The following MUC5AC variants were observed in gnomAD, a reference collection of about 807,000 sequenced individuals.
MUC5AC encodes the protein mucin 5AC, oligomeric mucus/gel-forming, also known as mucin-5AC.
A neutral mutation model predicts 169.7 loss-of-function variants in MUC5AC; 158 were observed. The observed-to-expected ratio is 0.93, with a 90% CI of 0.82 to 1.06. MUC5AC has a LOEUF of 1.06. Ranked by LOEUF, MUC5AC falls within the 50% of genes least tolerant of loss-of-function variation. MUC5AC has a pLI of 0.00. For synonymous variants in MUC5AC, 1,975 were observed against 1,237.0 expected (o/e 1.60, Z -12.52); for missense variants, 4,359 against 3,089.9 (o/e 1.41, Z -9.74).
Position 1,179,726 on chromosome 11 carries a change from C to T in MUC5AC, c.3485-296C>T, listed in dbSNP as rs976168381. 4.9e-3 allele frequency among the ~76,000 whole-genome samples: 741 copies of T among 151,764 alleles called. 13 individuals are homozygous for T. Among genetic ancestry groups the T allele is most frequent in the African/African-American group, 0.017 (699 of 41,202 alleles). ...GAGGGCGTGGCTGACGGGTCGCTGG[C>T]GTGGTAGAACGTTCTGGGCAGTGGG... is the stretch of plus-strand genomic sequence containing the variant. On this transcript the variant is annotated intron_variant, in intron 26 of 48. Transcript: ENST00000621226.
chr11:1,173,440 C>T (rs1860599931), intron 16 of MUC5AC, among the ~76,000 whole-genome samples: 1 of 151,726 alleles, frequency 6.6e-6, no homozygotes, highest in East Asian at 1.9e-4. Flanking sequence ...CATTCATCCA[C>T]TCATCCACTC....
intron 40 of MUC5AC, 22 bp downstream of exon 40, chr11:1,196,930 A>C (rs1318715154): frequency 1.3e-6 from 1 of 760,078 alleles, no homozygotes; most frequent in South Asian, 1.4e-5. Context: ...GCATGGCCCA[A>C]GAGGGCACTG....
At chr11:1,160,499 C>T in intron 1 of MUC5AC, 113 bp from the exon 2 acceptor site, 1 of 847,176 alleles carries the variant, frequency 1.2e-6, no homozygotes, top group Non-Finnish European at 1.9e-6. Flanking sequence ...CACGGGCCAC[C>T]CCCACGCACT....
Position 1,185,627 on chromosome 11 carries a change from T to G in MUC5AC, c.7482T>G (p.Pro2494=). The G allele has an allele frequency of 1.4e-6, 1 of 735,460 alleles. No homozygotes were observed. Among genetic ancestry groups the G allele is most frequent in the Non-Finnish European group, 2.5e-6 (1 of 402,916 alleles). 45.6% of individuals were successfully genotyped at this position (735,460 alleles called of 1,614,324 possible). A position where few individuals can be genotyped will look rare whatever the true frequency, so the allele number is the denominator to read the frequency against. The change falls in exon 31 of 49, where the codon CCT becomes CCG. Residue 2494 remains proline, a synonymous_variant. Coordinates refer to ENST00000621226, the MANE Select transcript of MUC5AC (RefSeq NM_001304359.2). The stretch of plus-strand genomic sequence containing the variant: ...CTGGTCCTGAAACTACTCCTAGACC[T>G]GTTCCTACCACCAGCACAACCTCTT... ...TTSGPETTPR[P]VPTTSTTSSP... is the part of the protein sequence containing the mutation.
Position 1,192,434 on chromosome 11 carries a change from C to G in MUC5AC, c.14289C>G (p.Thr4763=). Residue 4763 remains threonine (T), a synonymous_variant, in exon 31 of 49, where the codon ACC becomes ACG. Coordinates refer to ENST00000621226, the MANE Select transcript of MUC5AC (RefSeq NM_001304359.2). Reference sequence around the variant, plus strand: ...TGGTATCCGCCTCCGTGGCATCCACCTCTGTGGCATCCAGCTCTGTGGCAT... The same window carrying G: ...TGGTATCCGCCTCCGTGGCATCCACGTCTGTGGCATCCAGCTCTGTGGCAT... ...TSMVSASVAS[T]SVASSSVASS... is the part of the protein sequence containing the mutation. The G allele has an allele frequency of 1.3e-6, 1 of 764,822 alleles. No individual in the cohort carries two copies. The allele number at this position is 764,822 out of a possible 1,614,324, so 47.4% of individuals were successfully genotyped here. A position where few individuals can be genotyped will look rare whatever the true frequency, so the allele number is the denominator to read the frequency against.
chr11:1,160,214 C>G lies in MUC5AC; in HGVS notation c.74-398C>G, dbSNP rs1030406159. 2.6e-5 allele frequency among the ~76,000 whole-genome samples: 4 copies of G among 152,234 alleles called. No homozygotes were observed. The South Asian group carries it at 6.2e-4, about 24-fold the overall frequency. ...CTCCAGGTGGTCTTGGGGCCGACCC[C>G]TCCCATGCCTTTGACTGCTCCAGCC... On this transcript the variant is annotated intron_variant, in intron 1 of 48. Transcript: ENST00000621226.
intron 26 of MUC5AC, 144 bp from the exon 27 acceptor site, chr11:1,179,878 C>A: frequency 2.5e-6 from 1 of 397,006 alleles, no homozygotes. Context: ...TGGGGGGTCC[C>A]GATCTGGCCC....
rs1392444037 is a variant in MUC5AC, at chr11:1,185,446, C to A, written c.7301C>A (p.Thr2434Asn). The A allele has an allele frequency of 2.5e-5, 18 of 729,876 alleles. 1 individual carries two copies. The highest frequency in any genetic ancestry group is 2.0e-4 in the South Asian group (14 of 70,172). The allele number at this position is 729,876 out of a possible 1,614,324, so 45.2% of individuals were successfully genotyped here. The change falls in exon 31 of 49, where the codon ACC becomes AAC. Residue 2434 changes from threonine (T) to asparagine (N), a missense_variant. Physicochemically the swap from Thr to Asn is moderately conservative, Grantham distance 65. Coordinates refer to ENST00000621226, the MANE Select transcript of MUC5AC (RefSeq NM_001304359.2). Reference protein sequence around the residue: ...PTSSTTSSPQTSTTSAPTTST... With the variant: ...PTSSTTSSPQNSTTSAPTTST... ...AGCAGCACAACCTCCAGTCCACAGACCAGCACAACCTCGGCTCCTACAACC... is the reference window on the plus strand; with the variant it reads ...AGCAGCACAACCTCCAGTCCACAGAACAGCACAACCTCGGCTCCTACAACC...
At chr11:1,194,716 G>A (rs749205263) in intron 35 of MUC5AC, 46 bp downstream of exon 35, 20 of 709,622 alleles carry the variant, frequency 2.8e-5, no homozygotes, top group Middle Eastern at 2.4e-4. Flanking sequence ...TCGCGGGGGC[G>A]GGGGTGCCGG....
chr11:1,181,735 G>C (rs1860820090), intron 30 of MUC5AC, among the ~76,000 whole-genome samples: 1 of 152,184 alleles, frequency 6.6e-6, no homozygotes, highest in African/African-American at 2.4e-5. Context: ...CCTCATTGGG[G>C]TGTCAGGGGT....
intron 15 of MUC5AC, 109 bp downstream of exon 15, chr11:1,169,135 G>A: frequency 7.1e-7 from 1 of 1,418,164 alleles, no homozygotes; most frequent in South Asian, 1.6e-5. Context: ...CTGTGAGCCG[G>A]GTGGGGTGGC....
chr11:1,158,153 T>G, intron 1 of MUC5AC, 81 bp downstream of exon 1: 4 of 1,314,720 alleles, frequency 3.0e-6, no homozygotes, highest in Non-Finnish European at 4.2e-6. Flanking sequence ...GTCTTTGCCC[T>G]GGGTTCCGGG....
chr11:1,186,416 C>A lies in MUC5AC; in HGVS notation c.8271C>A (p.Ile2757=). Residue 2757 remains isoleucine (I), a synonymous_variant, in exon 31 of 49, where the codon ATC becomes ATA. Coordinates refer to ENST00000621226, the MANE Select transcript of MUC5AC (RefSeq NM_001304359.2). ...CCTCAGCCCCTACAACCAGCACAAT[C>A]TCTGCCTCTACCACCAGCACAACCT... ...RRTSAPTTST[I]SASTTSTTSA... 1.4e-6 allele frequency: 1 copy of A among 703,856 alleles called. No homozygotes were observed. The highest frequency in any genetic ancestry group is 2.6e-6 in the Non-Finnish European group (1 of 385,630). The allele number at this position is 703,856 out of a possible 1,614,324, so 43.6% of individuals were successfully genotyped here. A position where few individuals can be genotyped will look rare whatever the true frequency, so the allele number is the denominator to read the frequency against.
In MUC5AC at chr11:1,199,374, G is replaced by A. The variant is rs1364726616; in HGVS notation, c.16399G>A (p.Gly5467Ser). ...SKSPAHLFYP[G>S]ETWSDAGNHC... The stretch of plus-strand genomic sequence containing the variant: ...CCGGGGCCTGGCCTCCCTCCAGCCC[G>A]GCGAGACCTGGTCAGACGCAGGGAA... Residue 5467 changes from glycine to serine, a missense_variant, in exon 46 of 49, where the codon GGC becomes AGC. Gly to Ser is a moderately conservative substitution (Grantham distance 56). Coordinates refer to ENST00000621226, the MANE Select transcript of MUC5AC (RefSeq NM_001304359.2). The A allele has an allele frequency of 1.4e-6, 1 of 715,220 alleles. No individual in the cohort carries two copies. Among genetic ancestry groups the A allele is most frequent in the Non-Finnish European group, 2.5e-6 (1 of 392,386 alleles). 44.3% of individuals were successfully genotyped at this position (715,220 alleles called of 1,614,324 possible).
At position 1,185,497 on chromosome 11, in the gene MUC5AC, C is replaced by T. The variant is rs1860915982; in HGVS notation, c.7352C>T (p.Thr2451Ile). Residue 2451 changes from threonine (T) to isoleucine (I), a missense_variant, in exon 31 of 49, where the codon ACC becomes ATC. Thr to Ile is a moderately conservative substitution (Grantham distance 89). Transcript: ENST00000621226. ...TTSTTSGPGT[T>I]PSPVPTTSTT... Reference sequence around the variant, plus strand: ...AGCACAACTTCTGGTCCTGGAACTACCCCAAGCCCTGTTCCCACGACCAGC... The same window carrying T: ...AGCACAACTTCTGGTCCTGGAACTATCCCAAGCCCTGTTCCCACGACCAGC... The T allele has an allele frequency of 1.4e-6, 1 of 726,250 alleles. No individual in the cohort carries two copies. Among genetic ancestry groups the T allele is most frequent in the Admixed American group, 1.9e-5 (1 of 52,950 alleles). The allele number at this position is 726,250 out of a possible 1,614,324, so 45.0% of individuals were successfully genotyped here.
intron 19 of MUC5AC, among the ~76,000 whole-genome samples, chr11:1,175,879 A>T (rs1254003589): frequency 1.2e-5 from 1 of 82,664 alleles, no homozygotes; most frequent in Non-Finnish European, 2.4e-5. Flanking sequence ...ACATCCACTC[A>T]TGCACATGCA....
chr11:1,165,437 T>C lies in MUC5AC; in HGVS notation c.1247+18T>C. The C allele has an allele frequency of 6.9e-7, 1 of 1,455,444 alleles. No homozygotes were observed. The highest frequency in any genetic ancestry group is 1.2e-5 in the South Asian group (1 of 85,910). 90.2% of individuals were successfully genotyped at this position (1,455,444 alleles called of 1,614,324 possible). A position where few individuals can be genotyped will look rare whatever the true frequency, so the allele number is the denominator to read the frequency against. On this transcript the variant is annotated intron_variant, in intron 10 of 48. Transcript: ENST00000621226. ...ACCAACTGGTAGGTCCCAGCCCCCCTCCAGGCCACCAAGGATGTGCTATGG... is the reference window on the plus strand; with the variant it reads ...ACCAACTGGTAGGTCCCAGCCCCCCCCCAGGCCACCAAGGATGTGCTATGG...
At chr11:1,193,431 G>T (rs919497748) in intron 32 of MUC5AC, 54 bp from the exon 33 acceptor site, 1 of 675,020 alleles carries the variant, frequency 1.5e-6, no homozygotes, top group South Asian at 1.5e-5. Flanking sequence ...AGAACCAAGG[G>T]GTGCCCCGGA....
Position 1,165,153 on chromosome 11 carries a change from G to T in MUC5AC, c.1130-149G>T, listed in dbSNP as rs1244587556. 7.1e-6 allele frequency: 5 copies of T among 705,598 alleles called. No homozygotes were observed. The Admixed American group carries it at 1.5e-4, about 21-fold the overall frequency. The allele number at this position is 705,598 out of a possible 1,614,324, so 43.7% of individuals were successfully genotyped here. A position where few individuals can be genotyped will look rare whatever the true frequency, so the allele number is the denominator to read the frequency against. ...TGAGGCTGGCTGATGCCCCTGTCCCGGGCCCCTGAGGCTGGCTGAGGCCCC... is the reference window on the plus strand; with the variant it reads ...TGAGGCTGGCTGATGCCCCTGTCCCTGGCCCCTGAGGCTGGCTGAGGCCCC... On this transcript the variant is annotated intron_variant, in intron 9 of 48. Transcript: ENST00000621226.
Sources: gnomAD v4.1 joint callset for allele counts (sites outside exome capture counted in the v4.1 genomes callset) on GRCh38, gnomAD v4.1.1 for gene constraint, MANE v1.5 for transcripts, NCBI Gene and HGNC (gene_info 2026-07-23, HGNC 2026-07-21) for gene names.